Variants in STRN4 observed in about 807,000 individuals in gnomAD.
The protein encoded by STRN4 is striatin 4.
STRN4 carries 27 observed loss-of-function variants against 77.9 expected under a neutral mutation model. That is an observed-to-expected ratio of 0.35 (90% CI 0.26 to 0.48). The LOEUF is 0.48. Ranked by LOEUF, STRN4 falls within the 20% of genes least tolerant of loss-of-function variation. The pLI, the probability that STRN4 is intolerant of heterozygous loss-of-function variation, is 0.99. For missense variants in STRN4, 798 were observed against 1,049.7 expected (o/e 0.76, Z 3.31); for synonymous variants, 466 against 443.1 (o/e 1.05, Z -0.65).
chr19:46,725,710 G>A (rs978408183), intron 9 of STRN4, 62 bp from the exon 10 acceptor site: 40 of 1,571,462 alleles, frequency 2.5e-5, no homozygotes, highest in Middle Eastern at 2.1e-4. Flanking sequence ...TGCAGACACC[G>A]ACACCCAGGG....
intron 17 of STRN4, 53 bp downstream of exon 17, chr19:46,720,483 C>A: frequency 8.3e-7 from 1 of 1,201,498 alleles, no homozygotes; most frequent in Non-Finnish European, 1.1e-6. Flanking sequence ...GCACACCTGG[C>A]AGTACTAGGC....
chr19:46,720,605 T>C lies in STRN4; in HGVS notation c.2259A>G (p.Val753=), dbSNP rs1035638136. The C allele has an allele frequency of 1.3e-6, 2 of 1,578,514 alleles. No individual in the cohort carries two copies. Among genetic ancestry groups the C allele is most frequent in the South Asian group, 1.2e-5 (1 of 85,658 alleles). The part of the protein sequence containing the change: ...AGADALAKVF[V] ...CCAGGGCAGGGCCAGGTGGGCATCA[T>C]ACGAAGACCTTGGCCAGGGCATCAG... Residue 753 remains valine (V), a synonymous_variant, in exon 17 of 18, where the codon GTA becomes GTG. Coordinates refer to ENST00000263280, the MANE Select transcript of STRN4 (RefSeq NM_013403.3).
intron 4 of STRN4, among the ~76,000 whole-genome samples, chr19:46,734,899 T>A (rs909059386): frequency 6.6e-6 from 1 of 152,132 alleles, no homozygotes; most frequent in African/African-American, 2.4e-5. Context: ...CTCCTGACCT[T>A]GTGATCTGCC....
In STRN4 at chr19:46,723,036, G is replaced by C; in HGVS notation, c.1765+78C>G. On this transcript the variant is annotated intron_variant, in intron 13 of 17. Coordinates refer to ENST00000263280, the MANE Select transcript of STRN4 (RefSeq NM_013403.3). This position sits in a 1 kb window ranked among gnomAD's most constrained non-coding sequence, Gnocchi z 5.5. Reference sequence around the variant, plus strand: ...GTGGGGGACAGTGGGTGGGAGGCCTGGGGCCTCAGCAGGAACCACTCTGAT... The same window carrying C: ...GTGGGGGACAGTGGGTGGGAGGCCTCGGGCCTCAGCAGGAACCACTCTGAT... The C allele has an allele frequency of 2.5e-6, 4 of 1,588,620 alleles. No individual in the cohort carries two copies. The South Asian group carries it at 3.4e-5, about 13-fold the overall frequency.
At chr19:46,722,733 G>A in intron 14 of STRN4, 77 bp downstream of exon 14, 2 of 1,581,396 alleles carry the variant, frequency 1.3e-6, no homozygotes, top group African/African-American at 1.3e-5. Context: ...CTGACAAGGG[G>A]TCGCCAAAGC....
At chr19:46,739,294 G>A (rs935269587) in intron 1 of STRN4, 17 of 232,772 alleles carry the variant, frequency 7.3e-5, no homozygotes, top group African/African-American at 2.9e-4. Context: ...TGGAGGTGGC[G>A]TCCCACTATT....
At chr19:46,728,451 G>A (rs867894210) in intron 7 of STRN4, 167 bp downstream of exon 7, 22 of 917,770 alleles carry the variant, frequency 2.4e-5, no homozygotes, top group African/African-American at 1.3e-4. Flanking sequence ...GTGAGGGGCC[G>A]GCGGCCATGA....
intron 1 of STRN4, among the ~76,000 whole-genome samples, chr19:46,742,185 T>G (rs2122397739): frequency 6.6e-6 from 1 of 152,260 alleles, no homozygotes; most frequent in African/African-American, 2.4e-5. Context: ...ACCACGTTAC[T>G]TACTTCTCAG....
At chr19:46,739,371 T>TGGCTC (rs2054432578) in intron 1 of STRN4, 1 of 170,554 alleles carries the variant, frequency 5.9e-6, no homozygotes, top group African/African-American at 2.4e-5. Flanking sequence ...CAAGAGTGGG[T>TGGCTC]GGCTCGGCTC....
intron 4 of STRN4, 61 bp downstream of exon 4, chr19:46,736,762 G>A (rs927464518): frequency 1.9e-6 from 3 of 1,538,670 alleles, no homozygotes; most frequent in Non-Finnish European, 1.8e-6. Context: ...GGAGTCTTTG[G>A]ACTTATCTCT....
chr19:46,728,329 G>A (rs1005811114), intron 7 of STRN4: 3 of 586,102 alleles, frequency 5.1e-6, no homozygotes, highest in Admixed American at 3.0e-5. Context: ...TCCTCATCCT[G>A]TTCCCTCCTT....
intron 7 of STRN4, 194 bp downstream of exon 7, chr19:46,728,424 G>T: frequency 1.3e-6 from 1 of 746,846 alleles, no homozygotes. Flanking sequence ...TCTCCATGGG[G>T]ATTTTCCAGG....
Position 46,723,031 on chromosome 19 carries a change from G to A in STRN4, c.1766-81C>T. On this transcript the variant is annotated intron_variant, in intron 13 of 17. Coordinates refer to ENST00000263280, the MANE Select transcript of STRN4 (RefSeq NM_013403.3). The surrounding 1 kb of genome is among the most constrained non-coding windows in gnomAD (Gnocchi z 5.5). ...CCAGGGTGGGGGACAGTGGGTGGGA[G>A]GCCTGGGGCCTCAGCAGGAACCACT... is the stretch of plus-strand genomic sequence containing the variant. The A allele has an allele frequency of 4.4e-6, 7 of 1,592,098 alleles. No homozygotes were observed. Among genetic ancestry groups the A allele is most frequent in the Non-Finnish European group, 6.0e-6 (7 of 1,167,690 alleles).
chr19:46,723,025 G>T lies in STRN4; in HGVS notation c.1766-75C>A, dbSNP rs890299968. 6 of 1,597,370 alleles carry T rather than the reference G, an allele frequency of 3.8e-6. No individual in the cohort carries two copies. Among genetic ancestry groups the T allele is most frequent in the Non-Finnish European group, 1.7e-6 (2 of 1,170,464 alleles). ...CCTGCCCCAGGGTGGGGGACAGTGG[G>T]TGGGAGGCCTGGGGCCTCAGCAGGA... On this transcript the variant is annotated intron_variant, in intron 13 of 17. Coordinates refer to ENST00000263280, the MANE Select transcript of STRN4 (RefSeq NM_013403.3). The surrounding 1 kb of genome is among the most constrained non-coding windows in gnomAD (Gnocchi z 5.5).
Position 46,730,866 on chromosome 19 carries a change from C to A in STRN4, c.745G>T (p.Ala249Ser), listed in dbSNP as rs1468216947. 1.9e-6 allele frequency: 3 copies of A among 1,610,762 alleles called. No homozygotes were observed. Among genetic ancestry groups the A allele is most frequent in the Non-Finnish European group, 1.7e-6 (2 of 1,179,978 alleles). ...AAGCGCTCTTTGCCATCTTTGCCTGCCGCGTTCCTGCCAAAGACAGCAGAG... is the reference window on the plus strand; with the variant it reads ...AAGCGCTCTTTGCCATCTTTGCCTGACGCGTTCCTGCCAAAGACAGCAGAG... ...QIEEQIKRNA[A>S]GKDGKERLGG... The change falls in exon 6 of 18, where the codon GCA becomes TCA. Residue 249 changes from alanine to serine, a missense_variant. Ala to Ser is a moderately conservative substitution (Grantham distance 99). This residue lies in a region of STRN4 where 511 missense variants were observed against 575.9 expected (regional missense o/e 0.89). Coordinates refer to ENST00000263280, the MANE Select transcript of STRN4 (RefSeq NM_013403.3).
Position 46,730,890 on chromosome 19 carries a change from A to G in STRN4, c.738-17T>C. On this transcript the variant is annotated splice_polypyrimidine_tract_variant and intron_variant, in intron 5 of 17. Transcript: ENST00000263280. ...GCCGCGTTCCTGCCAAAGACAGCAG[A>G]GCAGAGGAGGCATGAGTCCTGGCAG... 1 of 1,608,932 alleles carries G rather than the reference A, an allele frequency of 6.2e-7. No individual in the cohort carries two copies.
chr19:46,727,539 G>T lies in STRN4; in HGVS notation c.1161C>A (p.Phe387Leu). The T allele has an allele frequency of 6.2e-7, 1 of 1,613,982 alleles. No homozygotes were observed. The highest frequency in any genetic ancestry group is 8.5e-7 in the Non-Finnish European group (1 of 1,179,934). Residue 387 changes from phenylalanine (F) to leucine (L), a missense_variant, in exon 9 of 18, where the codon TTC (phenylalanine) becomes TTA (leucine). Physicochemically the swap from Phe to Leu is conservative, Grantham distance 22 (BLOSUM62 0). Transcript: ENST00000263280. Reference sequence around the variant, plus strand: ...CCCCGCCCCCGATAGTGTCCATGATGAAGACGTCTGAGGAGAAGCCAAAGG... The same window carrying T: ...CCCCGCCCCCGATAGTGTCCATGATTAAGACGTCTGAGGAGAAGCCAAAGG... Reference protein sequence around the residue: ...TPQPRPHEDVFIMDTIGGGEV... With the variant: ...TPQPRPHEDVLIMDTIGGGEV...
intron 12 of STRN4, 49 bp downstream of exon 12, chr19:46,724,758 G>A (rs538400172): frequency 5.6e-6 from 9 of 1,613,034 alleles, no homozygotes; most frequent in South Asian, 5.5e-5. Flanking sequence ...TGGAGGGGAC[G>A]GCCAGGCCCC....
Position 46,722,969 on chromosome 19 carries a change from G to C in STRN4, c.1766-19C>G, listed in dbSNP as rs1362275502. ...CCGTGCTCTGAGGGCACAGGGAAGA[G>C]AAGGCTGCTGAATGGACCCTCAGAC... is the stretch of plus-strand genomic sequence containing the variant. On this transcript the variant is annotated intron_variant, in intron 13 of 17. Coordinates refer to ENST00000263280, the MANE Select transcript of STRN4 (RefSeq NM_013403.3). 1 of 1,613,162 alleles carries C rather than the reference G, an allele frequency of 6.2e-7. No homozygotes were observed. The highest frequency in any genetic ancestry group is 2.2e-5 in the East Asian group (1 of 44,876).
Sources: gnomAD v4.1 joint callset for allele counts (sites outside exome capture counted in the v4.1 genomes callset) on GRCh38, gnomAD v4.1.1 for gene constraint, gnomAD v4.1.1 regional missense constraint, Gnocchi (gnomAD v3.1) non-coding constraint, MANE v1.5 for transcripts, NCBI Gene and HGNC (gene_info 2026-07-23, HGNC 2026-07-21) for gene names.